ZSCAN5A: variants seen among roughly 807,000 people sequenced by gnomAD.
ZSCAN5A encodes zinc finger and SCAN domain containing 5A.
ZSCAN5A carries 12 observed loss-of-function variants against 23.7 expected under a neutral mutation model. That is an observed-to-expected ratio of 0.51 (90% confidence interval 0.32 to 0.82). ZSCAN5A has a LOEUF of 0.82. ZSCAN5A is among the 40% of genes least tolerant of loss of function. The pLI is 0.03. For synonymous variants in ZSCAN5A, 257 were observed against 239.9 expected, an observed-to-expected ratio of 1.07 and a Z score of -0.66; for missense variants, 597 against 617.9, an observed-to-expected ratio of 0.97 and a Z score of 0.36.
At chr19:56,295,404 G>A (rs2039802539) in intron 2 of ZSCAN5A, among the ~76,000 whole-genome samples, 1 of 152,048 alleles carries the variant, frequency 6.6e-6, no homozygotes, top group African/African-American at 2.4e-5. Flanking sequence ...GACCAGCCTG[G>A]CCAACGTGGT....
At chr19:56,367,451 G>C (rs1234314334) in intron 1 of ZSCAN5A, 27 of 152,214 alleles carry the variant, frequency 1.8e-4, no homozygotes, top group Admixed American at 1.8e-3. Flanking sequence ...ATGGAGGAGG[G>C]AAGTAAGCTG....
intron 2 of ZSCAN5A, among the ~76,000 whole-genome samples, chr19:56,289,819 G>A (rs1363279555): frequency 6.6e-6 from 1 of 152,094 alleles, no homozygotes; most frequent in Admixed American, 6.5e-5. Flanking sequence ...TCACCATGTT[G>A]CTCAGGCTGA....
In ZSCAN5A at chr19:56,266,715, G is replaced by A. The variant is rs182703856; in HGVS notation, c.-127-41542C>T. 243 of 152,106 alleles carry A rather than the reference G, an allele frequency of 1.6e-3. 3 individuals carry two copies. The South Asian group carries it at 0.03, about 19-fold the overall frequency. 9.4% of individuals were successfully genotyped at this position (152,106 alleles called of 1,614,324 possible). On this transcript the variant is annotated intron_variant, in intron 2 of 5. Coordinates refer to ENST00000683990, the MANE Select transcript of ZSCAN5A (RefSeq NM_001322064.3). ...AGGATGGTCTCGATCTCCTGACCTC[G>A]TGATCCACCTGCCTTGGCCTCCCAA...
rs560540112 is a variant in ZSCAN5A, at chr19:56,343,187, G to C, written c.-358+20048C>G. On this transcript the variant is annotated intron_variant, in intron 2 of 6. Transcript: ENST00000587340. ...AATTGCTTTATTGAAACTAACTTCA[G>C]GTTTCTCCTCAGGAGAAGTTATATC... The C allele has an allele frequency of 1.4e-5, 10 of 739,042 alleles. No individual in the cohort carries two copies. In the African/African-American group the frequency reaches 1.7e-4, roughly 13 times the overall value. 45.8% of individuals were successfully genotyped at this position (739,042 alleles called of 1,614,324 possible). A position where few individuals can be genotyped will look rare whatever the true frequency, so the allele number is the denominator to read the frequency against.
chr19:56,317,995 T>C (rs1331971792), upstream of ZSCAN5A: 1 of 152,226 alleles, frequency 6.6e-6, no homozygotes, highest in Non-Finnish European at 1.5e-5. Flanking sequence ...GCCTGCATTG[T>C]TTTATATCTG....
chr19:56,221,440 T>A lies in ZSCAN5A; in HGVS notation c.*135A>T, dbSNP rs1012057459. 8.4e-6 allele frequency: 9 copies of A among 1,067,024 alleles called. No individual in the cohort carries two copies. The highest frequency in any genetic ancestry group is 2.1e-4 in the Middle Eastern group (1 of 4,746). 66.1% of individuals were successfully genotyped at this position (1,067,024 alleles called of 1,614,324 possible). ...GGGAGGACACATATTTACTCAAACA[T>A]CCTGGCAATTCATATCTAGGGCACT... On this transcript the variant is annotated 3_prime_UTR_variant, in exon 6 of 6. Transcript: ENST00000683990.
Position 56,260,149 on chromosome 19 carries a change from T to C in ZSCAN5A, c.-127-34976A>G, listed in dbSNP as rs115759977. 3.4e-3 allele frequency among the ~76,000 whole-genome samples: 518 copies of C among 152,046 alleles called. 2 individuals are homozygous for C. The highest frequency in any genetic ancestry group is 0.012 in the African/African-American group (495 of 41,496). ...TAAGCTCTGTAATATCTACCAACCA[T>C]GGACATATTAGAGAATATTTTGGGA... On this transcript the variant is annotated intron_variant, in intron 2 of 5. Coordinates refer to ENST00000683990, the MANE Select transcript of ZSCAN5A (RefSeq NM_001322064.3).
At chr19:56,343,722 G>A (rs1455168393) in intron 2 of ZSCAN5A, among the ~76,000 whole-genome samples, 2 of 152,308 alleles carry the variant, frequency 1.3e-5, no homozygotes, top group African/African-American at 4.8e-5. Context: ...CCACGCTGGA[G>A]AGAAAAACCT....
chr19:56,304,653 A>T (rs2040567039), intron 2 of ZSCAN5A: 1 of 297,706 alleles, frequency 3.4e-6, no homozygotes, highest in Non-Finnish European at 5.0e-6. Flanking sequence ...AGAAGATGTT[A>T]CAACCAGAGG....
At chr19:56,302,830 G>A (rs898123848) in intron 2 of ZSCAN5A, 1 of 398,726 alleles carries the variant, frequency 2.5e-6, no homozygotes, top group Admixed American at 4.4e-5. Flanking sequence ...GCTGTCTCTT[G>A]TTCTTTCTAA....
chr19:56,293,128 C>T (rs527624761), intron 2 of ZSCAN5A, among the ~76,000 whole-genome samples: 265 of 152,320 alleles, frequency 1.7e-3, no homozygotes, highest in Middle Eastern at 6.8e-3. Flanking sequence ...CAGTGAAACC[C>T]AAGACATCCT....
At chr19:56,302,581 C>CT (rs1555807484) in intron 2 of ZSCAN5A, among the ~76,000 whole-genome samples, 1 of 39,990 alleles carries the variant, frequency 2.5e-5, no homozygotes, top group Non-Finnish European at 4.1e-5. Flanking sequence ...TTCTTCCTCC[C>CT]CCTTTTCTTC....
intron 1 of ZSCAN5A, among the ~76,000 whole-genome samples, chr19:56,366,497 G>A (rs1030674084): frequency 2.0e-5 from 3 of 151,076 alleles, no homozygotes; most frequent in Non-Finnish European, 2.9e-5. Flanking sequence ...CCATTAGGCC[G>A]AGGTGGCTCC....
At chr19:56,330,966 T>C (rs2041483320) in intron 2 of ZSCAN5A, among the ~76,000 whole-genome samples, 1 of 149,402 alleles carries the variant, frequency 6.7e-6, no homozygotes, top group African/African-American at 2.6e-5. Flanking sequence ...TTAATTCTTC[T>C]TGAGTTAATT....
intron 2 of ZSCAN5A, among the ~76,000 whole-genome samples, chr19:56,239,225 C>T (rs980485181): frequency 6.6e-5 from 10 of 152,104 alleles, no homozygotes; most frequent in African/African-American, 2.4e-4. Context: ...ATTAATAACC[C>T]TTCAATGTAT....
chr19:56,294,059 G>A (rs778512519), intron 2 of ZSCAN5A, among the ~76,000 whole-genome samples: 16 of 152,124 alleles, frequency 1.1e-4, no homozygotes, highest in Non-Finnish European at 1.9e-4. Flanking sequence ...TCCAGCCTCC[G>A]TCCTCATGCT....
chr19:56,244,449 G>C (rs766538325), intron 2 of ZSCAN5A: 1 of 1,569,658 alleles, frequency 6.4e-7, no homozygotes, highest in East Asian at 2.2e-5. Context: ...CTCGTGACTG[G>C]TGCAGGGAAG....
At position 56,221,578 on chromosome 19, in the gene ZSCAN5A, C is replaced by G. The variant is rs150349355; in HGVS notation, c.1488G>C (p.Gln496His). The G allele has an allele frequency of 3.3e-5, 53 of 1,591,516 alleles. No individual in the cohort carries two copies. The African/African-American group carries it at 6.4e-4, about 19-fold the overall frequency. Residue 496 changes from glutamine (Q) to histidine (H), a missense_variant, in exon 6 of 6, where the codon CAG (glutamine) becomes CAC (histidine). Around this residue, in one of 5 missense-constraint regions of ZSCAN5A, gnomAD observed 87 missense variants for 74.4 expected, o/e 1.17. Transcript: ENST00000683990. ...HQKTHPEATSQ is the reference protein window; with the variant it reads ...HQKTHPEATSH ...AGGCATAGACCGGATTATGCAATCA[C>G]TGAGAAGTAGCTTCTGGATGTGTTT...
At chr19:56,285,036 G>C (rs2039000951) in intron 2 of ZSCAN5A, 2 of 985,154 alleles carry the variant, frequency 2.0e-6, no homozygotes, top group Non-Finnish European at 2.4e-6. Flanking sequence ...TAAGTGTCAG[G>C]ATTGTATCTT....
Sources: gnomAD v4.1 joint callset for allele counts (sites outside exome capture counted in the v4.1 genomes callset) on GRCh38, gnomAD v4.1.1 for gene constraint, gnomAD v4.1.1 regional missense constraint, MANE v1.5 for transcripts, NCBI Gene and HGNC (gene_info 2026-07-23, HGNC 2026-07-21) for gene names.